The following SGSH variants were observed in gnomAD, a reference collection of about 807,000 sequenced individuals.
SGSH encodes heparan sulfate sulfatase.
SGSH carries 48 observed loss-of-function variants against 51.0 expected under a neutral mutation model. The ratio of observed to expected loss-of-function variants is 0.94; its 90% CI spans 0.75 to 1.20. The LOEUF is 1.20. Ranked by LOEUF, SGSH falls within the 50% of genes most tolerant of loss-of-function variation. The probability of loss-of-function intolerance (pLI) is 0.00; values close to 1 mark genes in which losing one functional copy is unlikely to be tolerated. For synonymous variants in SGSH, 321 were observed against 313.4 expected, an observed-to-expected ratio of 1.02 and a Z score of -0.26; for missense variants, 662 against 717.8, an observed-to-expected ratio of 0.92 and a Z score of 0.89.
At chr17:80,204,129 C>A, downstream of SGSH, 1 of 1,213,134 alleles carries the variant, frequency 8.2e-7, no homozygotes, top group Non-Finnish European at 1.2e-6. Context: ...CTCTGCATCA[C>A]TCCCAGGTCG....
In SGSH at chr17:80,212,311, GAC is replaced by G. The variant is rs1033929551; in HGVS notation, c.746-39_746-38del. ...GGCCGAGAAGCAGAGCTCAGCCGCA[GAC>G]ACGGAGGGAGGCAGCGGGTGGTGTG... On this transcript the variant is annotated intron_variant, in intron 6 of 7. Coordinates refer to ENST00000326317, the MANE Select transcript of SGSH (RefSeq NM_000199.5). This position sits in a 1 kb window ranked among gnomAD's most constrained non-coding sequence, Gnocchi z 5.9. The G allele has an allele frequency of 6.5e-7, 1 of 1,547,458 alleles. No homozygotes were observed. Among genetic ancestry groups the G allele is most frequent in the Non-Finnish European group, 8.8e-7 (1 of 1,137,468 alleles).
Position 80,217,037 on chromosome 17 carries a change from G to T in SGSH, c.244C>A (p.Pro82Thr), listed in dbSNP as rs1385318543. Reference sequence around the variant, plus strand: ...TCCCGCCCCTTGCACCTCACCTGGGGCAGGCCAGTGAGGAGGCTGGCGCGG... The same window carrying T: ...TCCCGCCCCTTGCACCTCACCTGGGTCAGGCCAGTGAGGAGGCTGGCGCGG... The part of the protein sequence containing the change: ...PSRASLLTGL[P>T]QHQNGMYGLH... Residue 82 changes from proline to threonine, a missense_variant, in exon 2 of 8, where the codon CCC becomes ACC. By Grantham distance (38) the Pro-to-Thr change is conservative. Transcript: ENST00000326317. 4 of 1,572,326 alleles carry T rather than the reference G, an allele frequency of 2.5e-6. No individual in the cohort carries two copies. The highest frequency in any genetic ancestry group is 1.9e-5 in the Admixed American group (1 of 53,944).
downstream of SGSH, chr17:80,208,496 C>T (rs1293899740): frequency 2.8e-5 from 18 of 649,506 alleles, no homozygotes; most frequent in East Asian, 1.4e-4. Flanking sequence ...CTTGAACCCT[C>T]ACCACGTGCA....
In SGSH at chr17:80,213,667, G is replaced by T; in HGVS notation, c.745+137C>A. 1.3e-6 allele frequency: 1 copy of T among 797,294 alleles called. No individual in the cohort carries two copies. Among genetic ancestry groups the T allele is most frequent in the Non-Finnish European group, 2.0e-6 (1 of 487,928 alleles). 49.4% of individuals were successfully genotyped at this position (797,294 alleles called of 1,614,324 possible). On this transcript the variant is annotated intron_variant, in intron 6 of 7. Coordinates refer to ENST00000326317, the MANE Select transcript of SGSH (RefSeq NM_000199.5). The surrounding 1 kb of genome is among the most constrained non-coding windows in gnomAD (Gnocchi z 4.6). ...CCCACAGGCCCCTCCTCTCAATGTG[G>T]GCTCTGCCAGCTGCAGCACAGGGCC... is the stretch of plus-strand genomic sequence containing the variant.
At chr17:80,205,038 C>T (rs2041209529), downstream of SGSH, 8 of 1,592,606 alleles carry the variant, frequency 5.0e-6, no homozygotes, top group East Asian at 1.8e-4. Context: ...TCCACAGGCT[C>T]CAGCACGTGC....
Position 80,214,662 on chromosome 17 carries a change from A to G in SGSH, c.459T>C (p.Thr153=), listed in dbSNP as rs755311312. Residue 153 remains threonine, a synonymous_variant, in exon 4 of 8, where the codon ACT becomes ACC. Transcript: ENST00000326317. The part of the protein sequence containing the change: ...GSVLQVGRNI[T]RIKLLVRKFL... The stretch of plus-strand genomic sequence containing the variant: ...ATTTCCGGACGAGCAGCTTAATTCT[A>G]GTGATGTTCCGCCCCACCTGGAGGA... 1 of 1,613,458 alleles carries G rather than the reference A, an allele frequency of 6.2e-7. No individual in the cohort carries two copies. The highest frequency in any genetic ancestry group is 1.7e-5 in the Admixed American group (1 of 60,022).
chr17:80,214,197 T>TG lies in SGSH; in HGVS notation c.637dup (p.Gln213ProfsTer47), dbSNP rs2144742329. On this transcript the variant is annotated frameshift_variant, in exon 5 of 8. Coordinates refer to ENST00000326317, the MANE Select transcript of SGSH (RefSeq NM_000199.5). LOFTEE classifies it high-confidence loss of function. ...CAGCACGTCCAGTGGGTCGTAGGCC[T>TG]GGGGGGTCCAGTCTGGGATACGACC... The TG allele has an allele frequency of 2.5e-6, 4 of 1,611,676 alleles. No homozygotes were observed. Among genetic ancestry groups the TG allele is most frequent in the East Asian group, 2.2e-5 (1 of 44,792 alleles).
At position 80,214,163 on chromosome 17, in the gene SGSH, C is replaced by A. The variant is rs765710634; in HGVS notation, c.663+9G>T. 1.9e-6 allele frequency: 3 copies of A among 1,603,508 alleles called. No individual in the cohort carries two copies. The African/African-American group carries it at 4.0e-5, about 21-fold the overall frequency. On this transcript the variant is annotated intron_variant, in intron 5 of 7. Coordinates refer to ENST00000326317, the MANE Select transcript of SGSH (RefSeq NM_000199.5). ...CGGGCGTCCTGAAACACAGGAGGGG[C>A]CGTCCTACCAGCACGTCCAGTGGGT... is the stretch of plus-strand genomic sequence containing the variant.
At chr17:80,219,796 A>G (rs1203754016) in intron 1 of SGSH, 1 of 163,738 alleles carries the variant, frequency 6.1e-6, no homozygotes, top group African/African-American at 2.4e-5. Context: ...TGCCCTTGGG[A>G]TAAGGGAAAA....
At position 80,212,279 on chromosome 17, in the gene SGSH, G is replaced by A. The variant is rs1449319213; in HGVS notation, c.746-5C>T. On this transcript the variant is annotated splice_region_variant and splice_polypyrimidine_tract_variant and intron_variant, in intron 6 of 7. Coordinates refer to ENST00000326317, the MANE Select transcript of SGSH (RefSeq NM_000199.5). This position sits in a 1 kb window ranked among gnomAD's most constrained non-coding sequence, Gnocchi z 5.9. ...CCTGGAGCACCAGTCCAACTCCTGT[G>A]GTGAGGGGCCGAGAAGCAGAGCTCA... The A allele has an allele frequency of 1.9e-6, 3 of 1,601,466 alleles. No homozygotes were observed. Among genetic ancestry groups the A allele is most frequent in the Non-Finnish European group, 1.7e-6 (2 of 1,174,436 alleles).
chr17:80,209,824 G>A lies in SGSH; in HGVS notation c.*628C>T. Reference sequence around the variant, plus strand: ...AAGCTCATCACTCAGGGAGCCTGCTGCCAATCAGCTGAAACCTGCCTGGGG... The same window carrying A: ...AAGCTCATCACTCAGGGAGCCTGCTACCAATCAGCTGAAACCTGCCTGGGG... On this transcript the variant is annotated 3_prime_UTR_variant, in exon 8 of 8. Transcript: ENST00000326317. 1 of 987,796 alleles carries A rather than the reference G, an allele frequency of 1.0e-6. No homozygotes were observed. 61.2% of individuals were successfully genotyped at this position (987,796 alleles called of 1,614,324 possible). A position where few individuals can be genotyped will look rare whatever the true frequency, so the allele number is the denominator to read the frequency against.
Position 80,210,653 on chromosome 17 carries a change from C to G in SGSH, c.1308G>C (p.Trp436Cys). 1 of 1,614,018 alleles carries G rather than the reference C, an allele frequency of 6.2e-7. No individual in the cohort carries two copies. The highest frequency in any genetic ancestry group is 8.5e-7 in the Non-Finnish European group (1 of 1,180,044). Reference sequence around the variant, plus strand: ...GGTCCCGGCTCCGGTCGTAGAGCTCCCAGCGCGCCCGGTAGTAGTAATGAC... The same window carrying G: ...GGTCCCGGCTCCGGTCGTAGAGCTCGCAGCGCGCCCGGTAGTAGTAATGAC... ...DLRHYYYRAR[W>C]ELYDRSRDPH... Residue 436 changes from tryptophan to cysteine, a missense_variant, in exon 8 of 8, where the codon TGG becomes TGC. Coordinates refer to ENST00000326317, the MANE Select transcript of SGSH (RefSeq NM_000199.5).
chr17:80,213,536 T>C lies in SGSH; in HGVS notation c.745+268A>G. On this transcript the variant is annotated intron_variant, in intron 6 of 7. Transcript: ENST00000326317. The surrounding 1 kb of genome is among the most constrained non-coding windows in gnomAD (Gnocchi z 4.6). ...ACCCCCAAATCTGACCCAGGTCCTGTGACTGGAAATATCTGAAGTCTTCAC... is the reference window on the plus strand; with the variant it reads ...ACCCCCAAATCTGACCCAGGTCCTGCGACTGGAAATATCTGAAGTCTTCAC... 1 of 557,630 alleles carries C rather than the reference T, an allele frequency of 1.8e-6. No homozygotes were observed. The highest frequency in any genetic ancestry group is 3.2e-6 in the Non-Finnish European group (1 of 311,954). 34.5% of individuals were successfully genotyped at this position (557,630 alleles called of 1,614,324 possible).
At chr17:80,203,656 G>A (rs958370059), downstream of SGSH, 12 of 550,296 alleles carry the variant, frequency 2.2e-5, no homozygotes, top group South Asian at 1.0e-4. The surrounding 1 kb of genome is among the most constrained non-coding windows in gnomAD (Gnocchi z 4.6). Context: ...TGGCATGGCC[G>A]CCAGGATGGA....
At chr17:80,215,238 G>A (rs1043441659) in intron 2 of SGSH, 100 bp from the exon 3 acceptor site, 16 of 847,066 alleles carry the variant, frequency 1.9e-5, no homozygotes, top group Admixed American at 8.0e-5. Flanking sequence ...GGGCCTTCTC[G>A]GGGCCCTGAT....
At position 80,214,615 on chromosome 17, in the gene SGSH, C is replaced by T. The variant is rs934708820; in HGVS notation, c.506G>A (p.Arg169Gln). Residue 169 changes from arginine (R) to glutamine (Q), a missense_variant and splice_region_variant, in exon 4 of 8, where the codon CGG becomes CAG. Physicochemically the swap from Arg to Gln is conservative, Grantham distance 43. Coordinates refer to ENST00000326317, the MANE Select transcript of SGSH (RefSeq NM_000199.5). Reference protein sequence around the residue: ...VRKFLQTQDDRPFFLYVAFHD... With the variant: ...VRKFLQTQDDQPFFLYVAFHD... ...AAGGGGCAGGGGCCCCGACTCATAC[C>T]GGTCATCCTGAGTCTGCAGGAATTT... 1.1e-5 allele frequency: 17 copies of T among 1,612,304 alleles called. No homozygotes were observed. The highest frequency in any genetic ancestry group is 1.4e-5 in the Non-Finnish European group (16 of 1,179,664).
downstream of SGSH, chr17:80,204,225 A>G: frequency 6.3e-7 from 1 of 1,584,178 alleles, no homozygotes; most frequent in Non-Finnish European, 8.6e-7. Context: ...TCCCTCCTTT[A>G]GCCATCTTCT....
Position 80,215,100 on chromosome 17 carries a change from G to A in SGSH, c.288C>T (p.His96=), listed in dbSNP as rs1284139181. ...GCACCTTGTCGAAGGAGTTGAAGTG[G>A]TGCACGTCCTGGTGCAGCCCGTACA... ...NGMYGLHQDV[H]HFNSFDKVRS... The change falls in exon 3 of 8, where the codon CAC becomes CAT. Residue 96 remains histidine, a synonymous_variant. Transcript: ENST00000326317. The A allele has an allele frequency of 1.2e-5, 20 of 1,612,232 alleles. No homozygotes were observed. Among genetic ancestry groups the A allele is most frequent in the Non-Finnish European group, 1.7e-5 (20 of 1,179,942 alleles).
chr17:80,207,327 G>A (rs1004254629), downstream of SGSH, among the ~76,000 whole-genome samples: 1 of 152,242 alleles, frequency 6.6e-6, no homozygotes, highest in African/African-American at 2.4e-5. Flanking sequence ...AGGGTGGGCA[G>A]ATTGCTTGAG....
Sources: allele counts gnomAD v4.1 joint callset (sites outside exome capture counted in the v4.1 genomes callset), GRCh38; gene constraint gnomAD v4.1.1; non-coding constraint Gnocchi (gnomAD v3.1); transcripts MANE v1.5; gene names NCBI Gene and HGNC (gene_info 2026-07-23, HGNC 2026-07-21).